PALM2AKAP2: variants seen among roughly 807,000 people sequenced by gnomAD.
PALM2AKAP2 encodes PALM2 and AKAP2 fusion.
A neutral mutation model predicts 71.5 loss-of-function variants in PALM2AKAP2; 37 were observed. That is an observed-to-expected ratio of 0.52 (90% CI 0.40 to 0.68). The LOEUF (loss-of-function observed/expected upper bound fraction) is 0.68. Ranked by LOEUF, PALM2AKAP2 falls within the 30% of genes least tolerant of loss-of-function variation. PALM2AKAP2 has a pLI of 0.00. For synonymous variants in PALM2AKAP2, 468 were observed against 478.8 expected, an observed-to-expected ratio of 0.98 and a Z score of 0.29; for missense variants, 1,224 against 1,191.8, an observed-to-expected ratio of 1.03 and a Z score of -0.40.
intron 7 of PALM2AKAP2, among the ~76,000 whole-genome samples, chr9:110,017,368 A>G (rs1164181393): frequency 6.6e-6 from 1 of 152,242 alleles, no homozygotes; most frequent in Non-Finnish European, 1.5e-5. Context: ...CAAAAAGTCA[A>G]CTAATCTAAG....
intron 1 of PALM2AKAP2, among the ~76,000 whole-genome samples, chr9:110,066,066 G>GA (rs1482425059): frequency 2.6e-5 from 4 of 152,222 alleles, no homozygotes; most frequent in Non-Finnish European, 5.9e-5. Flanking sequence ...CTACTTTGGA[G>GA]AAGTTCACTA....
At chr9:109,793,434 G>A (rs1263811447) in intron 1 of PALM2AKAP2, among the ~76,000 whole-genome samples, 1 of 152,252 alleles carries the variant, frequency 6.6e-6, no homozygotes, top group Non-Finnish European at 1.5e-5. Context: ...GCAGGACAGT[G>A]CCCTGTGGTG....
chr9:109,943,767 C>G (rs1029386260), intron 6 of PALM2AKAP2: 1 of 205,542 alleles, frequency 4.9e-6, no homozygotes, highest in Non-Finnish European at 9.9e-6. Context: ...CCCATTGGCA[C>G]TGGGGGTTTC....
chr9:109,831,047 C>T (rs555385879), intron 1 of PALM2AKAP2, among the ~76,000 whole-genome samples: 25 of 151,834 alleles, frequency 1.6e-4, no homozygotes, highest in Non-Finnish European at 3.2e-4. Flanking sequence ...AAACCCAATT[C>T]TGTTGAAGTA....
At chr9:109,827,301 T>A (rs1828177036) in intron 1 of PALM2AKAP2, among the ~76,000 whole-genome samples, 6 of 152,170 alleles carry the variant, frequency 3.9e-5, no homozygotes, top group Admixed American at 3.9e-4. Flanking sequence ...GGTATCAGAA[T>A]TGTCTGTAGT....
At chr9:109,814,263 A>G (rs1287359408) in intron 1 of PALM2AKAP2, among the ~76,000 whole-genome samples, 1 of 152,184 alleles carries the variant, frequency 6.6e-6, no homozygotes, top group Non-Finnish European at 1.5e-5. Context: ...ATACTTTCTT[A>G]TCGGTAGATA....
At chr9:109,729,278 A>T (rs1828519626) in intron 1 of PALM2AKAP2, among the ~76,000 whole-genome samples, 1 of 152,128 alleles carries the variant, frequency 6.6e-6, no homozygotes, top group Non-Finnish European at 1.5e-5. Flanking sequence ...CTCCAACTTG[A>T]TGTGTCCTAA....
exon 2 of PALM2AKAP2, chr9:110,136,324 C>A: frequency 4.3e-6 from 7 of 1,614,212 alleles, no homozygotes; most frequent in Non-Finnish European, 5.9e-6. Context: ...CCTCCGCTTT[C>A]TATTCACCCC....
chr9:109,874,364 G>A (rs1829673002), intron 2 of PALM2AKAP2, among the ~76,000 whole-genome samples: 1 of 152,186 alleles, frequency 6.6e-6, no homozygotes, highest in Admixed American at 6.5e-5. Flanking sequence ...TTACACAGAG[G>A]CAAGATAGTA....
chr9:109,925,135 A>C, intron 5 of PALM2AKAP2, 53 bp downstream of exon 5: 2 of 1,612,052 alleles, frequency 1.2e-6, no homozygotes, highest in South Asian at 2.2e-5. Flanking sequence ...TGGTCAGCTT[A>C]GGGGGTTTCA....
At chr9:109,666,483 C>T (rs975368495) in intron 1 of PALM2AKAP2, among the ~76,000 whole-genome samples, 1 of 152,152 alleles carries the variant, frequency 6.6e-6, no homozygotes, top group Non-Finnish European at 1.5e-5. Context: ...TGAAAATGCT[C>T]TTATACTGTT....
intron 1 of PALM2AKAP2, among the ~76,000 whole-genome samples, chr9:109,789,565 A>C (rs1215846291): frequency 1.3e-5 from 2 of 152,168 alleles, no homozygotes; most frequent in African/African-American, 2.4e-5. Flanking sequence ...TTTTGGAAGG[A>C]TTCTGCCTCA....
At chr9:109,686,392 A>G (rs1827805700) in intron 1 of PALM2AKAP2, among the ~76,000 whole-genome samples, 1 of 152,238 alleles carries the variant, frequency 6.6e-6, no homozygotes, top group Non-Finnish European at 1.5e-5. Flanking sequence ...TCCTTGATCC[A>G]TGGGCTGCAG....
intron 1 of PALM2AKAP2, among the ~76,000 whole-genome samples, chr9:110,067,421 C>T (rs1834104738): frequency 6.6e-6 from 1 of 152,216 alleles, no homozygotes; most frequent in Non-Finnish European, 1.5e-5. Flanking sequence ...ATTACTTAAT[C>T]TATTCCTGTT....
chr9:110,044,984 A>G (rs545871839), upstream of PALM2AKAP2, among the ~76,000 whole-genome samples: 32 of 152,210 alleles, frequency 2.1e-4, no homozygotes, highest in Non-Finnish European at 2.9e-4. Context: ...GCTTCTCTCA[A>G]CCTGTATCTA....
intron 2 of PALM2AKAP2, among the ~76,000 whole-genome samples, chr9:110,145,492 G>A (rs1283707662): frequency 6.6e-6 from 1 of 152,160 alleles, no homozygotes; most frequent in East Asian, 1.9e-4. Flanking sequence ...ATTTGAGGAT[G>A]AGCAGGGATA....
At chr9:109,948,617 T>C (rs527425348) in intron 6 of PALM2AKAP2, among the ~76,000 whole-genome samples, 1 of 152,322 alleles carries the variant, frequency 6.6e-6, no homozygotes, top group South Asian at 2.1e-4. Context: ...AAGGGTCGTC[T>C]TCTCCTCATA....
In PALM2AKAP2 at chr9:109,992,979, C is replaced by A. The variant is rs187764820; in HGVS notation, c.497-22975C>A. 6.3e-3 allele frequency among the ~76,000 whole-genome samples: 875 copies of A among 138,012 alleles called. 10 individuals are homozygous for A. Among genetic ancestry groups the A allele is most frequent in the African/African-American group, 0.022 (844 of 37,990 alleles). The allele number at this position is 138,012 out of a possible 152,430, so 90.5% of individuals were successfully genotyped here. On this transcript the variant is annotated intron_variant, in intron 6 of 9. Transcript: ENST00000302798. ...TAGAGAGAGAGAGAGAGAGAGAGAG[C>A]AGAGAGAGTTTATTTGGGCCAAGCC...
chr9:110,022,331 T>TAA (rs2132371399), intron 7 of PALM2AKAP2, among the ~76,000 whole-genome samples: 1 of 152,112 alleles, frequency 6.6e-6, no homozygotes, highest in Non-Finnish European at 1.5e-5. Context: ...ACTCCATCTC[T>TAA]AAAAAAATAA....
Sources: gnomAD v4.1 joint callset for allele counts (sites outside exome capture counted in the v4.1 genomes callset) on GRCh38, gnomAD v4.1.1 for gene constraint, MANE v1.5 for transcripts, NCBI Gene and HGNC (gene_info 2026-07-23, HGNC 2026-07-21) for gene names.